TENM1: variants seen among roughly 807,000 people sequenced by gnomAD.
The protein encoded by TENM1 is teneurin transmembrane protein 1, also known as teneurin-1.
A neutral mutation model predicts 174.8 loss-of-function variants in TENM1; 35 were observed. The observed-to-expected ratio is 0.20, with a 90% CI of 0.15 to 0.27. The LOEUF (loss-of-function observed/expected upper bound fraction) is 0.27. Among genes scored for constraint, TENM1 ranks in the 10% least tolerant of loss-of-function variants. TENM1 has a pLI of 1.00. For missense variants in TENM1, 1,633 were observed against 2,130.1 expected (o/e 0.77, Z 4.59); for synonymous variants, 781 against 798.7 (o/e 0.98, Z 0.37).
intron 4 of TENM1, among the ~76,000 whole-genome samples, chrX:124,707,080 A>G (rs1603039025): frequency 9.1e-6 from 1 of 109,480 alleles, no homozygotes; most frequent in South Asian, 4.0e-4. Flanking sequence ...ACTCCAGCTC[A>G]CTGTAACTTC....
At chrX:124,472,561 C>T (rs1384002856) in intron 22 of TENM1, among the ~76,000 whole-genome samples, 4 of 110,307 alleles carry the variant, frequency 3.6e-5, no homozygotes, top group African/African-American at 6.6e-5. Flanking sequence ...AACTTCTTTA[C>T]TCTATTTCCA....
At chrX:124,407,219 C>CAA (rs59240118) in intron 25 of TENM1, among the ~76,000 whole-genome samples, 21 of 86,643 alleles carry the variant, frequency 2.4e-4, no homozygotes, top group Admixed American at 8.1e-4. Context: ...TTACTTTTTC[C>CAA]AAAAAAAAAA....
At chrX:124,375,971 A>G (rs964978347) in exon 32 of TENM1, 1 of 112,846 alleles carries the variant, frequency 8.9e-6, no homozygotes, top group African/African-American at 3.2e-5. Flanking sequence ...ATATCAACAC[A>G]TAATGTTTAA....
At chrX:125,129,634 C>T in the TENM1 span, among the ~76,000 whole-genome samples, 1,388 of 109,264 alleles carry the variant, frequency 0.013, 28 homozygotes, top group African/African-American at 0.043. Flanking sequence ...CATCCTACAC[C>T]CTATCTCCAT....
intron 3 of TENM1, among the ~76,000 whole-genome samples, chrX:124,802,017 C>T (rs891702166): frequency 7.2e-5 from 8 of 111,496 alleles, no homozygotes; most frequent in Non-Finnish European, 1.1e-4. Context: ...CTTCCCTTAA[C>T]ATCAAGGTTC....
intron 11 of TENM1, among the ~76,000 whole-genome samples, chrX:124,581,660 T>C (rs2049314954): frequency 9.0e-6 from 1 of 111,684 alleles, no homozygotes; most frequent in African/African-American, 3.3e-5. Context: ...CCACCAACAG[T>C]GGATAAGTGT....
intron 3 of TENM1, among the ~76,000 whole-genome samples, chrX:124,871,966 A>C (rs1359294201): frequency 1.0e-5 from 1 of 100,303 alleles, no homozygotes; most frequent in African/African-American, 3.7e-5. Flanking sequence ...CAGGAGGCCG[A>C]GGTTGCAGTG....
chrX:124,713,629 A>G (rs1227132386), intron 4 of TENM1, among the ~76,000 whole-genome samples: 1 of 112,294 alleles, frequency 8.9e-6, no homozygotes, highest in African/African-American at 3.2e-5. Context: ...TTCAGAAGCA[A>G]TATCTGCCCT....
rs111624738 is a variant in TENM1, at chrX:124,473,948, A to G, written c.3949+7784T>C. Reference sequence around the variant, plus strand: ...ATAACATGTACAAGGAACCAACACTAGAATTGCTGCATCTCAAGGTGAGGA... The same window carrying G: ...ATAACATGTACAAGGAACCAACACTGGAATTGCTGCATCTCAAGGTGAGGA... On this transcript the variant is annotated intron_variant, in intron 22 of 31. Coordinates refer to ENST00000422452, the Ensembl canonical transcript of TENM1. 2.1e-3 allele frequency among the ~76,000 whole-genome samples: 236 copies of G among 111,422 alleles called. 2 individuals carry two copies. Among genetic ancestry groups the G allele is most frequent in the African/African-American group, 7.5e-3 (231 of 30,693 alleles).
chrX:124,734,251 AC>A (rs1484505184), intron 4 of TENM1, among the ~76,000 whole-genome samples: 5 of 111,436 alleles, frequency 4.5e-5, no homozygotes, highest in African/African-American at 1.6e-4. Context: ...GGAATTCAAG[AC>A]CAGTCTAGCC....
intron 18 of TENM1, 69 bp downstream of exon 21, chrX:124,520,448 A>T: frequency 1.0e-6 from 1 of 956,943 alleles, no homozygotes; most frequent in Non-Finnish European, 1.4e-6. Flanking sequence ...AATACAAATT[A>T]ACATGTAACA....
At chrX:125,191,403 G>A in the TENM1 span, among the ~76,000 whole-genome samples, 4 of 111,267 alleles carry the variant, frequency 3.6e-5, no homozygotes, top group African/African-American at 1.3e-4. Context: ...CTAGAAAAGT[G>A]GATAAGATAA....
At position 124,381,217 on chromosome X, in the gene TENM1, G is replaced by C. The variant is rs752678517; in HGVS notation, c.7518C>G (p.Pro2506=). Reference sequence around the variant, plus strand: ...CAAGGCACCGTCCATCATTGTATCGGGGAGTCATAGGTAGTTGGTCCAAGG... The same window carrying C: ...CAAGGCACCGTCCATCATTGTATCGCGGAGTCATAGGTAGTTGGTCCAAGG... The change falls in exon 32 of 32, where the codon CCC becomes CCG. Residue 2506 remains proline (P), a synonymous_variant. Coordinates refer to ENST00000422452, the Ensembl canonical transcript of TENM1. 58 of 1,204,286 alleles carry C rather than the reference G, an allele frequency of 4.8e-5. No homozygotes were observed. The East Asian group carries it at 1.7e-3, about 35-fold the overall frequency.
Position 124,646,224 on chromosome X carries a change from C to T in TENM1, c.1681+485G>A, listed in dbSNP as rs748847975. Among the ~76,000 whole-genome samples, 8 of 112,369 alleles carry T rather than the reference C, an allele frequency of 7.1e-5. No homozygotes were observed. In the South Asian group the frequency reaches 1.8e-3, roughly 26 times the overall value. ...TAAGTTTGACTTCTGACTTTCCAGT[C>T]GTTACTTTGTAGGCTCCTTACTCAT... On this transcript the variant is annotated intron_variant, in intron 9 of 31. Transcript: ENST00000422452.
At chrX:124,519,274 A>G (rs1043902418) in intron 18 of TENM1, among the ~76,000 whole-genome samples, 9 of 111,468 alleles carry the variant, frequency 8.1e-5, no homozygotes, top group Non-Finnish European at 1.7e-4. Flanking sequence ...TCTTTACAAT[A>G]ATTTCCCATT....
the TENM1 span, among the ~76,000 whole-genome samples, chrX:125,152,043 G>A: frequency 9.0e-6 from 1 of 111,398 alleles, no homozygotes; most frequent in East Asian, 2.8e-4. Context: ...ATCTCTTACA[G>A]CCAGGAGTTT....
chrX:124,496,215 C>T (rs1025769976), intron 20 of TENM1, among the ~76,000 whole-genome samples: 1 of 111,182 alleles, frequency 9.0e-6, no homozygotes, highest in African/African-American at 3.3e-5. Context: ...ACACAAAAAT[C>T]AATTCAAGAT....
At chrX:124,548,507 G>A (rs1328761547) in intron 14 of TENM1, among the ~76,000 whole-genome samples, 3 of 112,129 alleles carry the variant, frequency 2.7e-5, no homozygotes, top group African/African-American at 9.7e-5. Context: ...GAAGGGGTTG[G>A]AGTGATTAAC....
intron 6 of TENM1, among the ~76,000 whole-genome samples, chrX:124,658,760 T>C (rs1226814381): frequency 1.8e-5 from 2 of 112,257 alleles, no homozygotes; most frequent in Non-Finnish European, 3.8e-5. Flanking sequence ...AGACTACAGA[T>C]ACCAGTACAG....
Sources: allele counts gnomAD v4.1 joint callset (sites outside exome capture counted in the v4.1 genomes callset), GRCh38; gene constraint gnomAD v4.1.1; transcripts MANE v1.5; gene names NCBI Gene and HGNC (gene_info 2026-07-23, HGNC 2026-07-21).